GSTM5: variants seen among roughly 807,000 people sequenced by gnomAD.
GSTM5 encodes GST class-mu 5.
GSTM5 carries 24 observed loss-of-function variants against 29.0 expected under a neutral mutation model. The observed-to-expected ratio is 0.83, with a 90% CI of 0.60 to 1.16. GSTM5 has a LOEUF of 1.16. Ranked by LOEUF, GSTM5 falls within the 50% of genes most tolerant of loss-of-function variation. GSTM5 has a pLI of 0.00. For synonymous variants in GSTM5, 91 were observed against 93.6 expected, an observed-to-expected ratio of 0.97 and a Z score of 0.16; for missense variants, 290 against 263.0, an observed-to-expected ratio of 1.10 and a Z score of -0.71.
intron 7 of GSTM5, 157 bp from the exon 8 acceptor site, chr1:109,717,180 A>G: frequency 3.4e-6 from 2 of 591,134 alleles, no homozygotes; most frequent in Non-Finnish European, 6.2e-6. Flanking sequence ...GAGTTAACTT[A>G]GAAGAGCTGG....
At chr1:109,715,299 T>C in intron 7 of GSTM5, 59 bp downstream of exon 7, 1 of 1,614,208 alleles carries the variant, frequency 6.2e-7, no homozygotes, top group Non-Finnish European at 8.5e-7. Flanking sequence ...TCCTTTCAGA[T>C]GCTTTCCCAG....
intron 5 of GSTM5, 144 bp downstream of exon 5, chr1:109,713,905 G>T: frequency 2.3e-6 from 1 of 436,578 alleles, no homozygotes; most frequent in South Asian, 1.8e-5. Context: ...ATGTCCACAC[G>T]AATCTTCTCC....
chr1:109,711,789 C>T (rs1296954), upstream of GSTM5, among the ~76,000 whole-genome samples: 52,923 of 147,600 alleles, frequency 0.36, 8,017 homozygotes, highest in Middle Eastern at 0.43. Context: ...CAGAGGAAGT[C>T]CTGCTCTTAC....
chr1:109,716,109 G>C (rs1335120431), intron 7 of GSTM5: 1 of 344,004 alleles, frequency 2.9e-6, no homozygotes, highest in African/African-American at 2.2e-5. Context: ...GGCACCACCT[G>C]GGTACCGGGC....
chr1:109,712,773 G>T, intron 2 of GSTM5, 80 bp downstream of exon 2: 1 of 1,435,870 alleles, frequency 7.0e-7, no homozygotes. Context: ...ACCTGTGGCT[G>T]CCTCTGCAGG....
At chr1:109,712,737 T>G in intron 2 of GSTM5, 44 bp downstream of exon 2, 1 of 1,609,600 alleles carries the variant, frequency 6.2e-7, no homozygotes, top group Non-Finnish European at 8.5e-7. Flanking sequence ...TCACGCTGAG[T>G]TGGCACCAAG....
In GSTM5 at chr1:109,717,334, C is replaced by T; in HGVS notation, c.568-3C>T. 6.2e-7 allele frequency: 1 copy of T among 1,612,192 alleles called. No homozygotes were observed. Among genetic ancestry groups the T allele is most frequent in the Non-Finnish European group, 8.5e-7 (1 of 1,178,300 alleles). On this transcript the variant is annotated splice_polypyrimidine_tract_variant and splice_region_variant and intron_variant, in intron 7 of 7. Transcript: ENST00000256593. ...GGCTCTGGCCCCTTCTTCCCGCCCT[C>T]AGGGTTTGAAGAAGATCTCTGCCTA...
Position 109,713,524 on chromosome 1 carries a change from G to A in GSTM5, c.218G>A (p.Ser73Asn), listed in dbSNP as rs768877281. 2 of 1,614,242 alleles carry A rather than the reference G, an allele frequency of 1.2e-6. No individual in the cohort carries two copies. The highest frequency in any genetic ancestry group is 2.2e-5 in the East Asian group (1 of 44,874). The change falls in exon 4 of 8, where the codon AGC (serine) becomes AAC (asparagine). Residue 73 changes from serine (S) to asparagine (N), a missense_variant. Coordinates refer to ENST00000256593, the MANE Select transcript of GSTM5 (RefSeq NM_000851.4). ...GATGGGGCTCACAAGATCACCCAGA[G>A]CAATGCCATCCTGCGCTACATTGCC... ...LIDGAHKITQ[S>N]NAILRYIARK... is the part of the protein sequence containing the mutation.
Position 109,717,481 on chromosome 1 carries a change from C to G in GSTM5, c.*55C>G, listed in dbSNP as rs1648791412. ...GGAGCCAACCTTGCTGCCTGCGACC[C>G]TGGAGGACAGCCTGACTCCCTGGAC... On this transcript the variant is annotated 3_prime_UTR_variant, in exon 8 of 8. Transcript: ENST00000256593. 8.0e-7 allele frequency: 1 copy of G among 1,249,492 alleles called. No individual in the cohort carries two copies. The highest frequency in any genetic ancestry group is 1.2e-6 in the Non-Finnish European group (1 of 847,044). The allele number at this position is 1,249,492 out of a possible 1,614,324, so 77.4% of individuals were successfully genotyped here. A position where few individuals can be genotyped will look rare whatever the true frequency, so the allele number is the denominator to read the frequency against.
chr1:109,716,303 C>T (rs553357181), intron 7 of GSTM5: 56 of 195,790 alleles, frequency 2.9e-4, no homozygotes, highest in African/African-American at 1.2e-3. Context: ...AGCTAGTTCC[C>T]ATCAGCTCTG....
At position 109,717,547 on chromosome 1, in the gene GSTM5, C is replaced by T. The variant is rs1046626507; in HGVS notation, c.*121C>T. On this transcript the variant is annotated 3_prime_UTR_variant, in exon 8 of 8. Transcript: ENST00000256593. ...TTCCTTCTTTCTACTCTCTTCTCTT[C>T]CCCAAGGCCTCATTGGCTTCCTTTC... 4.3e-5 allele frequency: 30 copies of T among 700,700 alleles called. No homozygotes were observed. The highest frequency in any genetic ancestry group is 4.0e-4 in the South Asian group (24 of 60,734). 43.4% of individuals were successfully genotyped at this position (700,700 alleles called of 1,614,324 possible). A position where few individuals can be genotyped will look rare whatever the true frequency, so the allele number is the denominator to read the frequency against.
At chr1:109,717,121 T>TG in intron 7 of GSTM5, 1 of 232,346 alleles carries the variant, frequency 4.3e-6, no homozygotes, top group Non-Finnish European at 7.8e-6. Flanking sequence ...AGATCTTTCG[T>TG]AAATGGTAGC....
Position 109,715,922 on chromosome 1 carries a change from G to A in GSTM5, c.567+682G>A. 3 of 786,270 alleles carry A rather than the reference G, an allele frequency of 3.8e-6. No individual in the cohort carries two copies. The South Asian group carries it at 4.0e-5, about 11-fold the overall frequency. The allele number at this position is 786,270 out of a possible 1,614,324, so 48.7% of individuals were successfully genotyped here. On this transcript the variant is annotated intron_variant, in intron 7 of 7. Transcript: ENST00000256593. Reference sequence around the variant, plus strand: ...CTTCCTCTCTTTTTTTCCCTCCAATGTTCCACGTCTTCCCCCTGTGAGATG... The same window carrying A: ...CTTCCTCTCTTTTTTTCCCTCCAATATTCCACGTCTTCCCCCTGTGAGATG...
chr1:109,714,918 AG>A (rs1396643988), intron 5 of GSTM5, 28 bp from the exon 6 acceptor site: 1 of 1,611,838 alleles, frequency 6.2e-7, no homozygotes, highest in African/African-American at 1.3e-5. Context: ...CTTTTGTCTG[AG>A]GGTGGTGACA....
chr1:109,713,814 A>G (rs1648653526), intron 5 of GSTM5, 53 bp downstream of exon 5: 1 of 1,510,654 alleles, frequency 6.6e-7, no homozygotes, highest in Admixed American at 1.7e-5. Flanking sequence ...TTTGGCCCAG[A>G]CCAGGGAGGG....
In GSTM5 at chr1:109,717,411, A is replaced by G. The variant is rs756227186; in HGVS notation, c.642A>G (p.Thr214=). 8.7e-6 allele frequency: 14 copies of G among 1,613,356 alleles called. No homozygotes were observed. Among genetic ancestry groups the G allele is most frequent in the South Asian group, 1.1e-5 (1 of 91,078 alleles). Residue 214 remains threonine (T), a synonymous_variant, in exon 8 of 8, where the codon ACA becomes ACG. Transcript: ENST00000256593. ...GTCTTTTGTTTGGAAAGTCAGCTAC[A>G]TGGAACAGCAAATAGGGCCCAGTGA... ...LRGLLFGKSA[T]WNSK
chr1:109,713,392 G>A (rs1254602717), intron 3 of GSTM5, 92 bp from the exon 4 acceptor site: 25 of 1,556,512 alleles, frequency 1.6e-5, no homozygotes, highest in Non-Finnish European at 2.2e-5. Flanking sequence ...CCATGAGCAG[G>A]CCCTGGTCTC....
chr1:109,717,472 C>T lies in GSTM5; in HGVS notation c.*46C>T. 1.5e-6 allele frequency: 2 copies of T among 1,348,818 alleles called. No homozygotes were observed. Among genetic ancestry groups the T allele is most frequent in the South Asian group, 1.2e-5 (1 of 85,806 alleles). The allele number at this position is 1,348,818 out of a possible 1,614,324, so 83.6% of individuals were successfully genotyped here. ...TGGGAGGGAGGAGCCAACCTTGCTGCCTGCGACCCTGGAGGACAGCCTGAC... is the reference window on the plus strand; with the variant it reads ...TGGGAGGGAGGAGCCAACCTTGCTGTCTGCGACCCTGGAGGACAGCCTGAC... On this transcript the variant is annotated 3_prime_UTR_variant, in exon 8 of 8. Transcript: ENST00000256593.
Position 109,712,623 on chromosome 1 carries a change from C to G in GSTM5, c.42C>G (p.Ala14=), listed in dbSNP as rs1284024699. Residue 14 remains alanine, a synonymous_variant, in exon 2 of 8, where the codon GCC becomes GCG. Coordinates refer to ENST00000256593, the MANE Select transcript of GSTM5 (RefSeq NM_000851.4). ...TLGYWDIRGL[A]HAIRLLLEYT... Reference sequence around the variant, plus strand: ...CCGCGGGCCATCTCTCCCAGCTGGCCCACGCCATCCGCTTGCTCCTGGAAT... The same window carrying G: ...CCGCGGGCCATCTCTCCCAGCTGGCGCACGCCATCCGCTTGCTCCTGGAAT... The G allele has an allele frequency of 1.2e-6, 2 of 1,614,108 alleles. No individual in the cohort carries two copies. The highest frequency in any genetic ancestry group is 2.2e-5 in the South Asian group (2 of 91,070).
Sources: gnomAD v4.1 joint callset for allele counts (sites outside exome capture counted in the v4.1 genomes callset) on GRCh38, gnomAD v4.1.1 for gene constraint, MANE v1.5 for transcripts, NCBI Gene and HGNC (gene_info 2026-07-23, HGNC 2026-07-21) for gene names.